The following LPGAT1 variants were observed in gnomAD, a reference collection of about 807,000 sequenced individuals.
LPGAT1 encodes the protein lysophosphatidylglycerol acyltransferase 1.
Under a neutral mutation model 47.5 loss-of-function variants are expected in LPGAT1, and 11 were observed. The observed-to-expected ratio is 0.23, with a 90% CI of 0.15 to 0.38. LPGAT1 has a LOEUF of 0.38. LPGAT1 is among the 10% of genes least tolerant of loss of function. The pLI is 1.00. For synonymous variants in LPGAT1, 138 were observed against 144.2 expected, an observed-to-expected ratio of 0.96 and a Z score of 0.31; for missense variants, 293 against 439.0, an observed-to-expected ratio of 0.67 and a Z score of 2.97.
At chr1:211,764,158 G>GAA (rs1657814401) in intron 6 of LPGAT1, among the ~76,000 whole-genome samples, 1 of 147,198 alleles carries the variant, frequency 6.8e-6, no homozygotes, top group South Asian at 2.2e-4. Context: ...GGCGACTAGA[G>GAA]AGAGACTCCA....
At chr1:211,827,725 A>G (rs1213753847) in intron 2 of LPGAT1, among the ~76,000 whole-genome samples, 1 of 152,096 alleles carries the variant, frequency 6.6e-6, no homozygotes, top group Admixed American at 6.6e-5. Context: ...TTTTTTCTCT[A>G]CCACTGCTAT....
chr1:211,797,384 C>T (rs1229828349), intron 2 of LPGAT1, among the ~76,000 whole-genome samples: 1 of 146,036 alleles, frequency 6.8e-6, no homozygotes, highest in Non-Finnish European at 1.5e-5. Context: ...TCCCAAGGTG[C>T]TGGGATGACA....
At chr1:211,760,130 TA>T (rs1309783325) in intron 6 of LPGAT1, among the ~76,000 whole-genome samples, 1 of 152,200 alleles carries the variant, frequency 6.6e-6, no homozygotes, top group Non-Finnish European at 1.5e-5. Context: ...ACTGGGGACA[TA>T]TTCGTGGAAA....
At position 211,744,681 on chromosome 1, in the gene LPGAT1, T is replaced by C; in HGVS notation, c.*5218A>G. The C allele has an allele frequency of 5.9e-5, 9 of 152,402 alleles. 2 individuals are homozygous for C. In the South Asian group the frequency reaches 1.9e-3, roughly 32 times the overall value. 9.4% of individuals were successfully genotyped at this position (152,402 alleles called of 1,614,324 possible). On this transcript the variant is annotated 3_prime_UTR_variant, in exon 8 of 8. Transcript: ENST00000366997. ...CTTATTATTTGTTAATTGTGTTATA[T>C]GTTCTTGCTATCAGCAAAATTTATA...
At chr1:211,803,335 G>C (rs1302772202) in intron 2 of LPGAT1, among the ~76,000 whole-genome samples, 2 of 152,186 alleles carry the variant, frequency 1.3e-5, no homozygotes, top group Non-Finnish European at 2.9e-5. Flanking sequence ...CACAGCCAAG[G>C]AGACAGGCAA....
At chr1:211,825,503 G>A (rs573863098) in intron 2 of LPGAT1, among the ~76,000 whole-genome samples, 15 of 152,044 alleles carry the variant, frequency 9.9e-5, no homozygotes, top group African/African-American at 2.2e-4. Flanking sequence ...CTTAAACTCC[G>A]GGGGGTGGGG....
At chr1:211,828,955 G>T in intron 2 of LPGAT1, 104 bp downstream of exon 2, 1 of 1,106,696 alleles carries the variant, frequency 9.0e-7, no homozygotes, top group Non-Finnish European at 1.3e-6. Context: ...TTTTTCAATA[G>T]TGAAGACATG....
At chr1:211,795,044 G>C (rs1020245535) in intron 2 of LPGAT1, among the ~76,000 whole-genome samples, 2 of 152,122 alleles carry the variant, frequency 1.3e-5, no homozygotes, top group Non-Finnish European at 2.9e-5. Context: ...GGGGCTGGGG[G>C]AGGGGGAAAT....
intron 6 of LPGAT1, among the ~76,000 whole-genome samples, chr1:211,758,700 C>A (rs1657565386): frequency 6.6e-6 from 1 of 151,128 alleles, no homozygotes; most frequent in African/African-American, 2.4e-5. Flanking sequence ...GAGACTCCGT[C>A]TCAGAAAAAA....
chr1:211,813,923 A>C (rs1424079889), intron 2 of LPGAT1, among the ~76,000 whole-genome samples: 2 of 152,240 alleles, frequency 1.3e-5, no homozygotes, highest in Non-Finnish European at 2.9e-5. Context: ...ATAGTCAAGA[A>C]CATGAAGGAG....
In LPGAT1 at chr1:211,783,381, C is replaced by T. The variant is rs1658720510; in HGVS notation, c.575G>A (p.Arg192Gln). The change falls in exon 5 of 8, where the codon CGA (arginine) becomes CAA (glutamine). Residue 192 changes from arginine to glutamine, a missense_variant. Transcript: ENST00000366997. The stretch of plus-strand genomic sequence containing the variant: ...CTTGGCAAATGCCTGACTTGTTTCT[C>T]GCCTCTTCCTGAGGAAGCCCCCTTC... ...FPEGGFLRKR[R>Q]ETSQAFAKKN... is the part of the protein sequence containing the mutation. The T allele has an allele frequency of 6.2e-7, 1 of 1,614,138 alleles. No homozygotes were observed. Among genetic ancestry groups the T allele is most frequent in the Non-Finnish European group, 8.5e-7 (1 of 1,180,038 alleles).
At chr1:211,755,975 C>T (rs1448042182) in intron 6 of LPGAT1, among the ~76,000 whole-genome samples, 1 of 152,174 alleles carries the variant, frequency 6.6e-6, no homozygotes, top group Non-Finnish European at 1.5e-5. Context: ...ATCTGCCTCA[C>T]GCCTATAATC....
chr1:211,759,958 A>G (rs1171321484), intron 6 of LPGAT1, among the ~76,000 whole-genome samples: 2 of 152,242 alleles, frequency 1.3e-5, no homozygotes, highest in Admixed American at 6.5e-5. Flanking sequence ...ATATTGCTAT[A>G]TTATCTTTAT....
At chr1:211,786,781 T>C (rs1658895237) in intron 4 of LPGAT1, among the ~76,000 whole-genome samples, 1 of 152,186 alleles carries the variant, frequency 6.6e-6, no homozygotes, top group Admixed American at 6.5e-5. Context: ...ATTAATTTAT[T>C]TAATAATCTG....
intron 2 of LPGAT1, among the ~76,000 whole-genome samples, chr1:211,800,104 G>A (rs1030361129): frequency 3.3e-5 from 5 of 151,680 alleles, no homozygotes; most frequent in Admixed American, 2.0e-4. Context: ...GCACAATCTC[G>A]GCTCACTGCA....
intron 6 of LPGAT1, among the ~76,000 whole-genome samples, chr1:211,778,274 G>A (rs374808526): frequency 7.5e-4 from 114 of 151,078 alleles, no homozygotes; most frequent in Middle Eastern, 3.4e-3. Flanking sequence ...GCCGGGAGGC[G>A]GAGCTTGCAG....
At position 211,757,685 on chromosome 1, in the gene LPGAT1, C is replaced by T. The variant is rs188830174; in HGVS notation, c.855-6618G>A. ...GAAGTCTTGACAGAGATTCTGAAGA[C>T]GCTGTTAATATCAATATTGATGTAA... On this transcript the variant is annotated intron_variant, in intron 6 of 7. Transcript: ENST00000366997. Among the ~76,000 whole-genome samples the T allele has an allele frequency of 7.2e-4, 109 of 152,228 alleles. 1 individual carries two copies. The South Asian group carries it at 1.0e-2, about 14-fold the overall frequency.
rs1053091571 is a variant in LPGAT1 at position 211,747,161 on chromosome 1, C to T, written c.*2738G>A. ...AGTTTTGTACAGTGGCATATTGCTG[C>T]TTCCCCAGATTGCCATATAAGAATA... On this transcript the variant is annotated 3_prime_UTR_variant, in exon 8 of 8. Coordinates refer to ENST00000366997, the MANE Select transcript of LPGAT1 (RefSeq NM_014873.3). 1.3e-5 allele frequency: 2 copies of T among 152,178 alleles called. No individual in the cohort carries two copies. Among genetic ancestry groups the T allele is most frequent in the African/African-American group, 2.4e-5 (1 of 41,432 alleles). The allele number at this position is 152,178 out of a possible 1,614,324, so 9.4% of individuals were successfully genotyped here.
At chr1:211,817,709 A>G (rs1462957489) in intron 2 of LPGAT1, among the ~76,000 whole-genome samples, 2 of 152,236 alleles carry the variant, frequency 1.3e-5, no homozygotes, top group African/African-American at 4.8e-5. Context: ...AATAGGATAC[A>G]TGAAACTTGA....
Sources: gnomAD v4.1 joint callset for allele counts (sites outside exome capture counted in the v4.1 genomes callset) on GRCh38, gnomAD v4.1.1 for gene constraint, MANE v1.5 for transcripts, NCBI Gene and HGNC (gene_info 2026-07-23, HGNC 2026-07-21) for gene names.